The following MGAT4C variants were observed in gnomAD, a reference collection of about 807,000 sequenced individuals.
The protein encoded by MGAT4C is alpha-1,3-mannosyl-glycoprotein 4-beta-N-acetylglucosaminyltransferase C.
MGAT4C carries 19 observed loss-of-function variants against 40.1 expected under a neutral mutation model. The ratio of observed to expected loss-of-function variants is 0.47; its 90% confidence interval spans 0.33 to 0.70. MGAT4C has a LOEUF of 0.70. MGAT4C is among the 30% of genes least tolerant of loss of function. The probability of loss-of-function intolerance (pLI) is 0.02; values close to 1 mark genes in which losing one functional copy is unlikely to be tolerated. For synonymous variants in MGAT4C, 181 were observed against 187.1 expected, an observed-to-expected ratio of 0.97 and a Z score of 0.27; for missense variants, 491 against 563.2, an observed-to-expected ratio of 0.87 and a Z score of 1.30.
At chr12:86,803,607 A>C (rs574931612) in intron 1 of MGAT4C, among the ~76,000 whole-genome samples, 2 of 149,810 alleles carry the variant, frequency 1.3e-5, no homozygotes, top group Admixed American at 1.3e-4. Context: ...TGGGCGAAGG[A>C]CATGAACAGA....
intron 4 of MGAT4C, among the ~76,000 whole-genome samples, chr12:86,300,869 C>T (rs1004039194): frequency 6.6e-6 from 1 of 152,094 alleles, no homozygotes; most frequent in South Asian, 2.1e-4. Context: ...ATATGATCCT[C>T]GATTAGGAGT....
rs58536459 is a variant in MGAT4C at position 86,444,908 on chromosome 12, T to C, written c.-228-9643A>G. On this transcript the variant is annotated intron_variant, in intron 2 of 7. Transcript: ENST00000548651. ...ATACAGATGAATTTCTAAATTATAC[T>C]GAGAGAAGCTAAACAAAAAAGTACA... is the stretch of plus-strand genomic sequence containing the variant. 3.3e-3 allele frequency among the ~76,000 whole-genome samples: 500 copies of C among 152,326 alleles called. 3 individuals are homozygous for C. Among genetic ancestry groups the C allele is most frequent in the African/African-American group, 0.011 (478 of 41,578 alleles).
At chr12:86,141,611 G>C (rs897393022) in intron 1 of MGAT4C, among the ~76,000 whole-genome samples, 4 of 151,978 alleles carry the variant, frequency 2.6e-5, no homozygotes, top group Non-Finnish European at 4.4e-5. Context: ...GTACAGAAAG[G>C]GTTTTGTAAT....
intron 2 of MGAT4C, among the ~76,000 whole-genome samples, chr12:85,994,513 C>T (rs192239750): frequency 6.6e-6 from 1 of 151,872 alleles, no homozygotes; most frequent in Non-Finnish European, 1.5e-5. Context: ...GACTGCAGGC[C>T]GTTAAAAATT....
Position 86,445,599 on chromosome 12 carries a change from G to A in MGAT4C, c.-228-10334C>T, listed in dbSNP as rs553427127. ...TCAAAAGATACACATTCGATTGCTCGACAGCTCTCTGCAACAGACAAAAAC... is the reference window on the plus strand; with the variant it reads ...TCAAAAGATACACATTCGATTGCTCAACAGCTCTCTGCAACAGACAAAAAC... On this transcript the variant is annotated intron_variant, in intron 2 of 7. Coordinates refer to the MGAT4C transcript ENST00000548651. Among the ~76,000 whole-genome samples the A allele has an allele frequency of 5.3e-5, 8 of 152,198 alleles. No homozygotes were observed. The East Asian group carries it at 1.4e-3, about 26-fold the overall frequency.
intron 3 of MGAT4C, among the ~76,000 whole-genome samples, chr12:86,405,963 T>TATATATATA (rs374129772): frequency 9.9e-6 from 1 of 100,990 alleles, no homozygotes; most frequent in African/African-American, 3.9e-5. Flanking sequence ...TGTATTTATA[T>TATATATATA]TATACATATA....
intron 2 of MGAT4C, chr12:86,028,321 C>T (rs1276847424): frequency 7.2e-6 from 3 of 419,162 alleles, no homozygotes; most frequent in Admixed American, 3.6e-5. Context: ...TGCTGACATA[C>T]GTTGAGCTCC....
At chr12:86,712,912 A>G (rs571514920) in intron 2 of MGAT4C, among the ~76,000 whole-genome samples, 1 of 152,292 alleles carries the variant, frequency 6.6e-6, no homozygotes, top group Non-Finnish European at 1.5e-5. Flanking sequence ...TCCTTCCCCT[A>G]TAAGACGAGT....
At chr12:86,729,946 C>G (rs1406534995) in intron 1 of MGAT4C, among the ~76,000 whole-genome samples, 4 of 151,968 alleles carry the variant, frequency 2.6e-5, no homozygotes. Flanking sequence ...AAAAATAAAT[C>G]ACTTCTCATT....
intron 3 of MGAT4C, among the ~76,000 whole-genome samples, chr12:86,353,719 T>G (rs1037931586): frequency 2.6e-5 from 4 of 152,116 alleles, no homozygotes; most frequent in Non-Finnish European, 5.9e-5. Flanking sequence ...CAGAAAATAA[T>G]CCTTCTCTCT....
At position 86,063,132 on chromosome 12, in the gene MGAT4C, C is replaced by T. The variant is rs182002065; in HGVS notation, c.-56-13409G>A. ...GTTAAGGGCAGCCAGAGAGAAAGGT[C>T]GGGTTACCCACAAAGGGAAGCCCAT... is the stretch of plus-strand genomic sequence containing the variant. On this transcript the variant is annotated intron_variant, in intron 1 of 4. Coordinates refer to ENST00000611864, the MANE Select transcript of MGAT4C (RefSeq NM_001351288.2). Among the ~76,000 whole-genome samples, 230 of 152,210 alleles carry T rather than the reference C, an allele frequency of 1.5e-3. 2 individuals carry two copies. The East Asian group carries it at 0.037, about 25-fold the overall frequency.
chr12:86,611,099 C>T (rs1962242839), intron 2 of MGAT4C, among the ~76,000 whole-genome samples: 1 of 151,844 alleles, frequency 6.6e-6, no homozygotes, highest in African/African-American at 2.4e-5. Flanking sequence ...TGGAGGCTGT[C>T]AGCTAACGAC....
intron 2 of MGAT4C, among the ~76,000 whole-genome samples, chr12:86,662,101 G>A (rs955413620): frequency 1.8e-4 from 27 of 152,038 alleles, no homozygotes; most frequent in African/African-American, 5.1e-4. Flanking sequence ...TTCATTTTGA[G>A]TCAGGAAGAC....
intron 2 of MGAT4C, among the ~76,000 whole-genome samples, chr12:86,467,167 A>T (rs1957693635): frequency 6.6e-6 from 1 of 152,150 alleles, no homozygotes; most frequent in African/African-American, 2.4e-5. Flanking sequence ...GGAAACATGA[A>T]TAGAAGCAAC....
chr12:86,818,348 T>C (rs914268711), intron 1 of MGAT4C, among the ~76,000 whole-genome samples: 1 of 151,158 alleles, frequency 6.6e-6, no homozygotes, highest in African/African-American at 2.4e-5. Context: ...TAAAAAGACA[T>C]TAAAAATCAG....
intron 2 of MGAT4C, among the ~76,000 whole-genome samples, chr12:86,555,127 C>T (rs533740386): frequency 6.6e-6 from 1 of 151,636 alleles, no homozygotes; most frequent in East Asian, 1.9e-4. Context: ...ATGGATAATA[C>T]TAGATAAACA....
intron 4 of MGAT4C, among the ~76,000 whole-genome samples, chr12:86,266,079 A>G (rs1481883385): frequency 6.6e-6 from 1 of 152,152 alleles, no homozygotes; most frequent in Non-Finnish European, 1.5e-5. Flanking sequence ...TATATCTTAA[A>G]TAAGCAAAGA....
At chr12:86,067,573 C>T (rs986233812) in intron 1 of MGAT4C, among the ~76,000 whole-genome samples, 2 of 151,698 alleles carry the variant, frequency 1.3e-5, no homozygotes, top group Non-Finnish European at 2.9e-5. Flanking sequence ...GGGGGGATAG[C>T]GGAGGAGTAG....
chr12:86,786,330 T>C (rs1310861503), intron 1 of MGAT4C, among the ~76,000 whole-genome samples: 1 of 152,116 alleles, frequency 6.6e-6, no homozygotes, highest in African/African-American at 2.4e-5. Flanking sequence ...TTCTAACAAA[T>C]GGTTGAATCT....
Sources: allele counts gnomAD v4.1 joint callset (sites outside exome capture counted in the v4.1 genomes callset), GRCh38; gene constraint gnomAD v4.1.1; transcripts MANE v1.5; gene names NCBI Gene and HGNC (gene_info 2026-07-23, HGNC 2026-07-21).